GRID1: variants seen among roughly 807,000 people sequenced by gnomAD.
GRID1 encodes the protein glutamate ionotropic receptor delta type subunit 1, also known as glutamate receptor ionotropic, delta-1.
In GRID1, 28 loss-of-function variants were observed where a neutral mutation model predicts 98.0. The ratio of observed to expected loss-of-function variants is 0.29; its 90% CI spans 0.21 to 0.39. GRID1 has a LOEUF of 0.39. Among genes scored for constraint, GRID1 ranks in the 10% least tolerant of loss-of-function variants. The pLI, the probability that GRID1 is intolerant of heterozygous loss-of-function variation, is 1.00. For missense variants in GRID1, 1,111 were observed against 1,340.5 expected (o/e 0.83, Z 2.67); for synonymous variants, 553 against 538.5 (o/e 1.03, Z -0.37).
chr10:85,748,305 C>T (rs574863040), intron 8 of GRID1, among the ~76,000 whole-genome samples: 1 of 152,120 alleles, frequency 6.6e-6, no homozygotes, highest in South Asian at 2.1e-4. Context: ...ACCTGAGGCT[C>T]AAGGGTGAGA....
chr10:86,024,654 C>T (rs1843093550), intron 4 of GRID1, among the ~76,000 whole-genome samples: 1 of 152,224 alleles, frequency 6.6e-6, no homozygotes. Context: ...CTGAGCCCCA[C>T]CTCTCTGGCT....
chr10:86,259,982 C>G (rs145945773), intron 2 of GRID1, among the ~76,000 whole-genome samples: 1 of 152,236 alleles, frequency 6.6e-6, no homozygotes. Flanking sequence ...TGAATTAATA[C>G]GCTGGCTTGT....
intron 5 of GRID1, among the ~76,000 whole-genome samples, chr10:85,877,405 C>A (rs1418690790): frequency 1.3e-5 from 2 of 152,208 alleles, no homozygotes; most frequent in African/African-American, 4.8e-5. Context: ...TGAGACAAAA[C>A]TTCCAGAGGA....
intron 12 of GRID1, among the ~76,000 whole-genome samples, chr10:85,713,722 C>T (rs986352270): frequency 4.7e-5 from 7 of 149,136 alleles, no homozygotes; most frequent in Non-Finnish European, 1.0e-4. Flanking sequence ...ATATGAGATA[C>T]ACTACATTAA....
rs114764705 is a variant in GRID1, at chr10:86,341,105, T to C, written c.235+22836A>G. On this transcript the variant is annotated intron_variant, in intron 2 of 15. Transcript: ENST00000327946. ...TACCTCCTCCTGGGCACTTGTCCTT[T>C]GGCCTCTGGCGTTTGCATATGCTGT... Among the ~76,000 whole-genome samples, 854 of 152,292 alleles carry C rather than the reference T, an allele frequency of 5.6e-3. 6 individuals carry two copies. Among genetic ancestry groups the C allele is most frequent in the African/African-American group, 0.019 (809 of 41,566 alleles).
chr10:85,891,395 G>T (rs149649991), intron 5 of GRID1, among the ~76,000 whole-genome samples: 1 of 152,206 alleles, frequency 6.6e-6, no homozygotes, highest in Non-Finnish European at 1.5e-5. Context: ...ACCCAATTTT[G>T]TAGACCCAAG....
chr10:86,047,902 G>C (rs747562182), intron 4 of GRID1, among the ~76,000 whole-genome samples: 1 of 152,184 alleles, frequency 6.6e-6, no homozygotes, highest in African/African-American at 2.4e-5. Context: ...GCTGATGAAG[G>C]CATTTGGATT....
intron 12 of GRID1, among the ~76,000 whole-genome samples, chr10:85,662,675 C>G (rs749980273): frequency 1.7e-4 from 26 of 152,204 alleles, no homozygotes; most frequent in Non-Finnish European, 3.7e-4. Flanking sequence ...GACATTTTTC[C>G]TGATGCCAGG....
intron 12 of GRID1, among the ~76,000 whole-genome samples, chr10:85,653,168 C>G (rs1372262375): frequency 6.6e-6 from 1 of 152,216 alleles, no homozygotes; most frequent in Non-Finnish European, 1.5e-5. Context: ...CAGGCTGTGA[C>G]AAAGCAGGCT....
intron 6 of GRID1, among the ~76,000 whole-genome samples, chr10:85,857,338 C>T (rs1201971120): frequency 6.6e-6 from 1 of 152,172 alleles, no homozygotes; most frequent in African/African-American, 2.4e-5. Context: ...GGGCCCAACC[C>T]ATGTGTGGGG....
At chr10:85,731,569 G>C (rs1313837561) in intron 8 of GRID1, among the ~76,000 whole-genome samples, 2 of 152,032 alleles carry the variant, frequency 1.3e-5, no homozygotes, top group Non-Finnish European at 2.9e-5. Context: ...GGGAGGCCAA[G>C]GTGGGTGGAT....
At chr10:85,743,325 C>T (rs1359666876) in intron 8 of GRID1, among the ~76,000 whole-genome samples, 2 of 152,094 alleles carry the variant, frequency 1.3e-5, no homozygotes, top group African/African-American at 4.8e-5. Context: ...AGCTGAGTGT[C>T]ATTGAGTGAC....
At chr10:86,316,927 C>T (rs1847907768) in intron 2 of GRID1, among the ~76,000 whole-genome samples, 1 of 152,246 alleles carries the variant, frequency 6.6e-6, no homozygotes, top group African/African-American at 2.4e-5. Flanking sequence ...ATCACCCCCA[C>T]TAAAATGCAT....
At chr10:86,248,657 C>G (rs1846772131) in intron 2 of GRID1, among the ~76,000 whole-genome samples, 1 of 150,684 alleles carries the variant, frequency 6.6e-6, no homozygotes, top group Non-Finnish European at 1.5e-5. Flanking sequence ...ACTGCAACCT[C>G]CACCACCTGG....
At chr10:85,628,107 G>A (rs1371907702) in intron 13 of GRID1, among the ~76,000 whole-genome samples, 1 of 152,066 alleles carries the variant, frequency 6.6e-6, no homozygotes, top group Non-Finnish European at 1.5e-5. Context: ...GGATGCACGT[G>A]AGAATGTATG....
intron 2 of GRID1, among the ~76,000 whole-genome samples, chr10:86,307,166 A>G (rs936486762): frequency 6.6e-6 from 1 of 152,240 alleles, no homozygotes; most frequent in East Asian, 1.9e-4. Flanking sequence ...AAATAGAACT[A>G]CCGTATAATT....
intron 8 of GRID1, among the ~76,000 whole-genome samples, chr10:85,768,713 GC>G (rs1842222668): frequency 6.6e-6 from 1 of 152,110 alleles, no homozygotes; most frequent in African/African-American, 2.4e-5. Flanking sequence ...TAACAGGTTG[GC>G]AAAAATCCCA....
chr10:85,941,251 C>T (rs1480247699), intron 4 of GRID1, among the ~76,000 whole-genome samples: 1 of 152,068 alleles, frequency 6.6e-6, no homozygotes, highest in East Asian at 1.9e-4. Context: ...TAGTCTATAC[C>T]TCACAGAGCC....
At chr10:86,188,638 G>T (rs940558958) in intron 3 of GRID1, among the ~76,000 whole-genome samples, 7 of 152,196 alleles carry the variant, frequency 4.6e-5, no homozygotes, top group African/African-American at 1.4e-4. Context: ...GGCCCGAGCA[G>T]GTTGGCAGGG....
Sources: gnomAD v4.1 joint callset for allele counts (sites outside exome capture counted in the v4.1 genomes callset) on GRCh38, gnomAD v4.1.1 for gene constraint, MANE v1.5 for transcripts, NCBI Gene and HGNC (gene_info 2026-07-23, HGNC 2026-07-21) for gene names.